The following HIF1AN variants were observed in gnomAD, a reference collection of about 807,000 sequenced individuals.
HIF1AN encodes the protein hypoxia-inducible factor 1-alpha inhibitor.
HIF1AN carries 21 observed loss-of-function variants against 47.7 expected under a neutral mutation model. The observed-to-expected ratio is 0.44, with a 90% CI of 0.31 to 0.63. The LOEUF is 0.63. HIF1AN is among the 30% of genes least tolerant of loss of function. HIF1AN has a pLI of 0.07. For synonymous variants in HIF1AN, 152 were observed against 155.9 expected, an observed-to-expected ratio of 0.98 and a Z score of 0.18; for missense variants, 320 against 432.7, an observed-to-expected ratio of 0.74 and a Z score of 2.31.
rs1173549609 is a variant in HIF1AN, at chr10:100,550,970, C to T, written c.*2833C>T. 1.3e-5 allele frequency: 2 copies of T among 152,232 alleles called. No homozygotes were observed. The highest frequency in any genetic ancestry group is 3.9e-4 in the East Asian group (2 of 5,190). 9.4% of individuals were successfully genotyped at this position (152,232 alleles called of 1,614,324 possible). A position where few individuals can be genotyped will look rare whatever the true frequency, so the allele number is the denominator to read the frequency against. ...TTCTGCTGTAGTTGTTTACCTCCAT[C>T]CTAGCTGGCAGTGTGGGACACACAC... On this transcript the variant is annotated 3_prime_UTR_variant, in exon 8 of 8. Coordinates refer to ENST00000299163, the MANE Select transcript of HIF1AN (RefSeq NM_017902.3).
At chr10:100,536,192 A>G in intron 1 of HIF1AN, 57 bp downstream of exon 1, 2 of 1,495,052 alleles carry the variant, frequency 1.3e-6, no homozygotes, top group Non-Finnish European at 1.8e-6. Flanking sequence ...TTGAGAGGTC[A>G]GAGGTGAATG....
chr10:100,558,617 T>C lies in HIF1AN; in HGVS notation c.*10480T>C, dbSNP rs1843233563. On this transcript the variant is annotated 3_prime_UTR_variant, in exon 8 of 8. Transcript: ENST00000299163. ...AAGTGCAGTTAGGCCCTGAATAGCG[T>C]CAAACTCAGGGATGTGAGCTGACTG... is the stretch of plus-strand genomic sequence containing the variant. 1 of 152,182 alleles carries C rather than the reference T, an allele frequency of 6.6e-6. No individual in the cohort carries two copies. Among genetic ancestry groups the C allele is most frequent in the African/African-American group, 2.4e-5 (1 of 41,436 alleles). 9.4% of individuals were successfully genotyped at this position (152,182 alleles called of 1,614,324 possible). A position where few individuals can be genotyped will look rare whatever the true frequency, so the allele number is the denominator to read the frequency against.
chr10:100,536,504 T>A lies in HIF1AN; in HGVS notation c.271T>A (p.Ser91Thr), dbSNP rs1405371570. Reference sequence around the variant, plus strand: ...AGAGAATATTGGCAATGGAGACTTCTCTGTGTACAGTGCCAGCACCCACAA... The same window carrying A: ...AGAGAATATTGGCAATGGAGACTTCACTGTGTACAGTGCCAGCACCCACAA... The part of the protein sequence containing the change: ...LQENIGNGDF[S>T]VYSASTHKFL... The change falls in exon 2 of 8, where the codon TCT becomes ACT. Residue 91 changes from serine (S) to threonine (T), a missense_variant. Ser to Thr is a moderately conservative substitution (Grantham distance 58, BLOSUM62 1). Around this residue, in one of 2 missense-constraint regions of HIF1AN, gnomAD observed 159 missense variants for 159.9 expected, o/e 0.99. Transcript: ENST00000299163. The A allele has an allele frequency of 6.2e-7, 1 of 1,614,086 alleles. No individual in the cohort carries two copies. Among genetic ancestry groups the A allele is most frequent in the Non-Finnish European group, 8.5e-7 (1 of 1,180,046 alleles).
intron 7 of HIF1AN, among the ~76,000 whole-genome samples, chr10:100,547,467 A>G (rs1391261150): frequency 6.6e-6 from 1 of 152,248 alleles, no homozygotes; most frequent in Non-Finnish European, 1.5e-5. Context: ...AATGTTCCCC[A>G]TGGGTATTAT....
At chr10:100,547,955 T>A in intron 7 of HIF1AN, 138 bp from the exon 8 acceptor site, 1 of 754,096 alleles carries the variant, frequency 1.3e-6, no homozygotes, top group Non-Finnish European at 2.3e-6. Context: ...GGAAGATAGG[T>A]GATTAGAGGA....
chr10:100,536,766 C>T (rs550740148), intron 2 of HIF1AN, 105 bp downstream of exon 2: 12 of 1,245,926 alleles, frequency 9.6e-6, no homozygotes, highest in African/African-American at 9.0e-5. Flanking sequence ...AGATTGGCCT[C>T]TCCCATCTCT....
intron 6 of HIF1AN, 86 bp downstream of exon 6, chr10:100,546,667 G>A: frequency 1.6e-5 from 15 of 965,674 alleles, no homozygotes; most frequent in Non-Finnish European, 2.3e-5. Context: ...TGGATGGGAT[G>A]GTTGACTATC....
rs1843167997 is a variant in HIF1AN at position 100,552,156 on chromosome 10, A to G, written c.*4019A>G. The stretch of plus-strand genomic sequence containing the variant: ...ACTTCTCATATTCTGCTGTCCTTTC[A>G]AACTTCAAGGACAGTATTAATTTAT... On this transcript the variant is annotated 3_prime_UTR_variant, in exon 8 of 8. Coordinates refer to ENST00000299163, the MANE Select transcript of HIF1AN (RefSeq NM_017902.3). The G allele has an allele frequency of 6.6e-6, 1 of 152,240 alleles. No homozygotes were observed. The highest frequency in any genetic ancestry group is 2.1e-4 in the South Asian group (1 of 4,824). The allele number at this position is 152,240 out of a possible 1,614,324, so 9.4% of individuals were successfully genotyped here. A position where few individuals can be genotyped will look rare whatever the true frequency, so the allele number is the denominator to read the frequency against.
chr10:100,548,019 C>G, intron 7 of HIF1AN, 74 bp from the exon 8 acceptor site: 1 of 1,398,366 alleles, frequency 7.2e-7, no homozygotes, highest in Admixed American at 1.7e-5. Flanking sequence ...CATCTGATGT[C>G]TCCAGACACA....
Position 100,550,194 on chromosome 10 carries a change from C to T in HIF1AN, c.*2057C>T, listed in dbSNP as rs1843143843. 6.6e-6 allele frequency: 1 copy of T among 152,154 alleles called. No homozygotes were observed. The highest frequency in any genetic ancestry group is 2.4e-5 in the African/African-American group (1 of 41,414). The allele number at this position is 152,154 out of a possible 1,614,324, so 9.4% of individuals were successfully genotyped here. A position where few individuals can be genotyped will look rare whatever the true frequency, so the allele number is the denominator to read the frequency against. ...TCAAGGAGGCATGCACTCAGCTGGT[C>T]CTTGCTGAGTTATTTGCTGACACAG... is the stretch of plus-strand genomic sequence containing the variant. On this transcript the variant is annotated 3_prime_UTR_variant, in exon 8 of 8. Coordinates refer to ENST00000299163, the MANE Select transcript of HIF1AN (RefSeq NM_017902.3).
chr10:100,558,014 A>G lies in HIF1AN; in HGVS notation c.*9877A>G, dbSNP rs114655149. The G allele has an allele frequency of 0.018, 2,780 of 152,402 alleles. 86 individuals carry two copies. Among genetic ancestry groups the G allele is most frequent in the African/African-American group, 0.063 (2,621 of 41,550 alleles). 9.4% of individuals were successfully genotyped at this position (152,402 alleles called of 1,614,324 possible). On this transcript the variant is annotated 3_prime_UTR_variant, in exon 8 of 8. Coordinates refer to ENST00000299163, the MANE Select transcript of HIF1AN (RefSeq NM_017902.3). The stretch of plus-strand genomic sequence containing the variant: ...GGGAGCATGAGTGTGAATGGGGAAG[A>G]ATCATGGAGAAGGGAGCAGGACTCC...
chr10:100,547,539 T>A (rs1048472648), intron 7 of HIF1AN, among the ~76,000 whole-genome samples: 12 of 152,162 alleles, frequency 7.9e-5, no homozygotes, highest in Non-Finnish European at 1.6e-4. Context: ...CTAACACATC[T>A]CCTTGCACTT....
intron 4 of HIF1AN, 148 bp downstream of exon 4, chr10:100,545,244 T>A: frequency 1.3e-6 from 1 of 776,730 alleles, no homozygotes. Context: ...AATTTCATTG[T>A]AGCTCACATA....
chr10:100,545,189 A>G (rs1843082154), intron 4 of HIF1AN, 93 bp downstream of exon 4: 3 of 1,375,052 alleles, frequency 2.2e-6, no homozygotes, highest in African/African-American at 2.9e-5. Flanking sequence ...GTGATATGCC[A>G]GGTTCGGATT....
chr10:100,548,395 G>C lies in HIF1AN; in HGVS notation c.*258G>C. On this transcript the variant is annotated 3_prime_UTR_variant, in exon 8 of 8. Coordinates refer to ENST00000299163, the MANE Select transcript of HIF1AN (RefSeq NM_017902.3). Reference sequence around the variant, plus strand: ...CCCCCCGCCTAAAGTCCTGCATTCAGTGTGTGGAGTCCCAGCTTTTGGTTG... The same window carrying C: ...CCCCCCGCCTAAAGTCCTGCATTCACTGTGTGGAGTCCCAGCTTTTGGTTG... The C allele has an allele frequency of 2.2e-6, 1 of 449,292 alleles. No individual in the cohort carries two copies. Among genetic ancestry groups the C allele is most frequent in the Non-Finnish European group, 3.9e-6 (1 of 253,608 alleles). 27.8% of individuals were successfully genotyped at this position (449,292 alleles called of 1,614,324 possible).
Position 100,558,409 on chromosome 10 carries a change from T to TA in HIF1AN, c.*10273dup, listed in dbSNP as rs1222276214. 2 of 152,208 alleles carry TA rather than the reference T, an allele frequency of 1.3e-5. No homozygotes were observed. The highest frequency in any genetic ancestry group is 2.9e-5 in the Non-Finnish European group (2 of 68,050). 9.4% of individuals were successfully genotyped at this position (152,208 alleles called of 1,614,324 possible). A position where few individuals can be genotyped will look rare whatever the true frequency, so the allele number is the denominator to read the frequency against. On this transcript the variant is annotated 3_prime_UTR_variant, in exon 8 of 8. Transcript: ENST00000299163. ...TGAGGCCAGGAGTTTGAGATCAGCC[T>TA]AGGCAGCATAGTGACACCCCATCTC... is the stretch of plus-strand genomic sequence containing the variant.
chr10:100,539,295 G>A (rs1024195176), intron 2 of HIF1AN, among the ~76,000 whole-genome samples: 6 of 151,846 alleles, frequency 4.0e-5, no homozygotes, highest in African/African-American at 1.5e-4. Context: ...CTTTTTTTTA[G>A]GTTTGCACAC....
intron 2 of HIF1AN, among the ~76,000 whole-genome samples, chr10:100,538,914 T>TC (rs1450851898): frequency 6.7e-6 from 1 of 149,292 alleles, no homozygotes; most frequent in East Asian, 2.0e-4. Flanking sequence ...TCTTTTTTTT[T>TC]TTTTTTTTTG....
In HIF1AN at chr10:100,536,458, A is replaced by G. The variant is rs759977293; in HGVS notation, c.225A>G (p.Lys75=). 1.9e-6 allele frequency: 3 copies of G among 1,614,166 alleles called. No individual in the cohort carries two copies. The highest frequency in any genetic ancestry group is 2.2e-5 in the East Asian group (1 of 44,890). The change falls in exon 2 of 8, where the codon AAA becomes AAG. Residue 75 remains lysine (K), a synonymous_variant. Transcript: ENST00000299163. ...TDTNLVYPAL[K]WDLEYLQENI... ...CAAATCTTGTGTATCCTGCCCTGAAATGGGACCTTGAATACCTGCAAGAGA... is the reference window on the plus strand; with the variant it reads ...CAAATCTTGTGTATCCTGCCCTGAAGTGGGACCTTGAATACCTGCAAGAGA...
Sources: gnomAD v4.1 joint callset for allele counts (sites outside exome capture counted in the v4.1 genomes callset) on GRCh38, gnomAD v4.1.1 for gene constraint, gnomAD v4.1.1 regional missense constraint, MANE v1.5 for transcripts, NCBI Gene and HGNC (gene_info 2026-07-23, HGNC 2026-07-21) for gene names.